ROR2: variants seen among roughly 807,000 people sequenced by gnomAD.
ROR2 encodes the protein tyrosine-protein kinase transmembrane receptor ROR2.
A neutral mutation model predicts 74.9 loss-of-function variants in ROR2; 33 were observed. The ratio of observed to expected loss-of-function variants is 0.44; its 90% confidence interval spans 0.33 to 0.59. The LOEUF (loss-of-function observed/expected upper bound fraction) is 0.59. ROR2 is among the 20% of genes least tolerant of loss of function. The probability of loss-of-function intolerance (pLI) is 0.02; values close to 1 mark genes in which losing one functional copy is unlikely to be tolerated. For synonymous variants in ROR2, 586 were observed against 558.7 expected, an observed-to-expected ratio of 1.05 and a Z score of -0.69; for missense variants, 1,216 against 1,313.8, an observed-to-expected ratio of 0.93 and a Z score of 1.15.
At chr9:91,837,141 GTTTT>G (rs11296952) in intron 1 of ROR2, among the ~76,000 whole-genome samples, 2 of 150,236 alleles carry the variant, frequency 1.3e-5, no homozygotes, top group South Asian at 2.1e-4. Context: ...ATTGCTTACT[GTTTT>G]TTTTTTTGTT....
intron 1 of ROR2, among the ~76,000 whole-genome samples, chr9:91,930,890 T>C (rs981297010): frequency 9.2e-5 from 14 of 152,214 alleles, no homozygotes; most frequent in Non-Finnish European, 4.4e-5. Flanking sequence ...ATATGGCTGG[T>C]CATTATCAGA....
chr9:91,852,823 G>C (rs892642150), intron 1 of ROR2, among the ~76,000 whole-genome samples: 4 of 152,220 alleles, frequency 2.6e-5, no homozygotes, highest in Non-Finnish European at 5.9e-5. Flanking sequence ...CCCTTCTGAA[G>C]ACTTCTTTCT....
chr9:91,812,262 A>C (rs1827777223), intron 1 of ROR2, among the ~76,000 whole-genome samples: 1 of 152,140 alleles, frequency 6.6e-6, no homozygotes, highest in South Asian at 2.1e-4. Flanking sequence ...AAATCCCTAC[A>C]TCACATCTCT....
At chr9:91,882,059 G>A (rs1018368319) in intron 1 of ROR2, among the ~76,000 whole-genome samples, 3 of 152,110 alleles carry the variant, frequency 2.0e-5, no homozygotes, top group African/African-American at 7.2e-5. Context: ...AGGACAGTTT[G>A]GTTCCTGTCC....
chr9:91,908,085 G>T (rs1443956583), intron 1 of ROR2, among the ~76,000 whole-genome samples: 3 of 142,590 alleles, frequency 2.1e-5, no homozygotes, highest in Non-Finnish European at 4.4e-5. Flanking sequence ...ATAAGATAGA[G>T]AGTGGAATCC....
chr9:91,945,448 A>C (rs1831990026), intron 1 of ROR2, among the ~76,000 whole-genome samples: 2 of 152,204 alleles, frequency 1.3e-5, no homozygotes, highest in African/African-American at 2.4e-5. Flanking sequence ...GACTTGAAGC[A>C]GCCGCCACAT....
At chr9:91,849,750 CCT>C (rs1158134441) in intron 1 of ROR2, among the ~76,000 whole-genome samples, 1 of 152,220 alleles carries the variant, frequency 6.6e-6, no homozygotes, top group Non-Finnish European at 1.5e-5. Context: ...ATGACTTCAA[CCT>C]CCCCAGATAG....
At chr9:91,774,889 C>A (rs1449114692) in intron 2 of ROR2, among the ~76,000 whole-genome samples, 2 of 152,200 alleles carry the variant, frequency 1.3e-5, no homozygotes, top group Non-Finnish European at 2.9e-5. Flanking sequence ...GGGTCAATTT[C>A]TCTGTTTATC....
At chr9:91,898,172 C>T (rs551389825) in intron 1 of ROR2, among the ~76,000 whole-genome samples, 1 of 152,310 alleles carries the variant, frequency 6.6e-6, no homozygotes, top group South Asian at 2.1e-4. Context: ...GTGAAGCATC[C>T]GTTATCTGGT....
intron 2 of ROR2, among the ~76,000 whole-genome samples, chr9:91,758,479 A>T (rs952977962): frequency 1.3e-5 from 2 of 152,204 alleles, no homozygotes; most frequent in Non-Finnish European, 2.9e-5. Flanking sequence ...AAACCAAGCT[A>T]ATCACAGTCC....
chr9:91,752,663 T>C (rs1825628184), intron 4 of ROR2, among the ~76,000 whole-genome samples: 1 of 152,192 alleles, frequency 6.6e-6, no homozygotes, highest in South Asian at 2.1e-4. Flanking sequence ...TTGCAGAGAT[T>C]TATGCATTTG....
At chr9:91,895,484 C>T (rs1830513052) in intron 1 of ROR2, among the ~76,000 whole-genome samples, 1 of 152,168 alleles carries the variant, frequency 6.6e-6, no homozygotes, top group Non-Finnish European at 1.5e-5. Flanking sequence ...GGGCAGGTTA[C>T]AGGGAATATG....
At position 91,733,515 on chromosome 9, in the gene ROR2, TG is replaced by T; in HGVS notation, c.623-80del. 6.8e-7 allele frequency: 1 copy of T among 1,461,992 alleles called. No individual in the cohort carries two copies. Among genetic ancestry groups the T allele is most frequent in the Non-Finnish European group, 9.2e-7 (1 of 1,090,522 alleles). 90.6% of individuals were successfully genotyped at this position (1,461,992 alleles called of 1,614,324 possible). A position where few individuals can be genotyped will look rare whatever the true frequency, so the allele number is the denominator to read the frequency against. ...ATTCATCCAGTCCCCACCCCCAGCC[TG>T]GCATCCCAGACTGCCCACTCAGCCC... On this transcript the variant is annotated intron_variant, in intron 5 of 8. Coordinates refer to ENST00000375708, the MANE Select transcript of ROR2 (RefSeq NM_004560.4). The surrounding 1 kb of genome is among the most constrained non-coding windows in gnomAD (Gnocchi z 5.7).
At chr9:91,742,756 C>G (rs1825293349) in intron 4 of ROR2, among the ~76,000 whole-genome samples, 2 of 152,176 alleles carry the variant, frequency 1.3e-5, no homozygotes. Flanking sequence ...CAGTAGTGTA[C>G]AGTAATGTGT....
chr9:91,911,126 C>T (rs1236477435), intron 1 of ROR2, among the ~76,000 whole-genome samples: 1 of 152,238 alleles, frequency 6.6e-6, no homozygotes, highest in Non-Finnish European at 1.5e-5. Flanking sequence ...CACATCTGCA[C>T]ACTACCCCAC....
chr9:91,855,804 G>A (rs2119277228), intron 1 of ROR2, among the ~76,000 whole-genome samples: 1 of 151,516 alleles, frequency 6.6e-6, no homozygotes, highest in Admixed American at 6.6e-5. Context: ...CAGAGAGGAG[G>A]GACCAGGGCG....
intron 1 of ROR2, among the ~76,000 whole-genome samples, chr9:91,857,679 G>A (rs1269838349): frequency 6.6e-6 from 1 of 152,052 alleles, no homozygotes; most frequent in Non-Finnish European, 1.5e-5. Flanking sequence ...CTTCTGGGCC[G>A]GCAGGAGCAG....
Position 91,905,716 on chromosome 9 carries a change from A to G in ROR2, c.97+44151T>C, listed in dbSNP as rs1830797242. ...TTTAGAAGACCACAAACCCCACTAC[A>G]TGGTAGATAAATGGGGGTGGGGGGA... is the stretch of plus-strand genomic sequence containing the variant. On this transcript the variant is annotated intron_variant, in intron 1 of 8. Coordinates refer to ENST00000375708, the MANE Select transcript of ROR2 (RefSeq NM_004560.4). The surrounding 1 kb of genome is among the most constrained non-coding windows in gnomAD (Gnocchi z 5.3). Among the ~76,000 whole-genome samples the G allele has an allele frequency of 7.4e-6, 1 of 135,166 alleles. No homozygotes were observed. Among genetic ancestry groups the G allele is most frequent in the South Asian group, 2.8e-4 (1 of 3,578 alleles). The allele number at this position is 135,166 out of a possible 152,430, so 88.7% of individuals were successfully genotyped here. A position where few individuals can be genotyped will look rare whatever the true frequency, so the allele number is the denominator to read the frequency against.
intron 2 of ROR2, among the ~76,000 whole-genome samples, chr9:91,770,681 A>G (rs1254163278): frequency 6.6e-6 from 1 of 152,210 alleles, no homozygotes; most frequent in South Asian, 2.1e-4. Flanking sequence ...CACACCTAGC[A>G]GAGTTGCATG....
Sources: gnomAD v4.1 joint callset for allele counts (sites outside exome capture counted in the v4.1 genomes callset) on GRCh38, gnomAD v4.1.1 for gene constraint, Gnocchi (gnomAD v3.1) non-coding constraint, MANE v1.5 for transcripts, NCBI Gene and HGNC (gene_info 2026-07-23, HGNC 2026-07-21) for gene names.